MAGI2: variants seen among roughly 807,000 people sequenced by gnomAD.
The protein encoded by MAGI2 is membrane associated guanylate kinase, WW and PDZ domain containing 2, also known as membrane-associated guanylate kinase, WW and PDZ domain-containing protein 2.
A neutral mutation model predicts 133.3 loss-of-function variants in MAGI2; 35 were observed. The observed-to-expected ratio is 0.26, with a 90% confidence interval of 0.20 to 0.35. The LOEUF (loss-of-function observed/expected upper bound fraction) is 0.35. MAGI2 is among the 10% of genes least tolerant of loss of function. The pLI, the probability that MAGI2 is intolerant of heterozygous loss-of-function variation, is 1.00. For synonymous variants in MAGI2, 729 were observed against 710.6 expected, an observed-to-expected ratio of 1.03 and a Z score of -0.41; for missense variants, 1,636 against 1,863.4, an observed-to-expected ratio of 0.88 and a Z score of 2.25.
intron 1 of MAGI2, among the ~76,000 whole-genome samples, chr7:79,166,712 G>A (rs140568142): frequency 1.3e-5 from 2 of 152,004 alleles, no homozygotes; most frequent in Non-Finnish European, 2.9e-5. Flanking sequence ...TGAAAATATG[G>A]TTAGATAATT....
chr7:78,070,106 T>TACACACACAC (rs67410981), intron 21 of MAGI2, among the ~76,000 whole-genome samples: 4 of 79,710 alleles, frequency 5.0e-5, no homozygotes, highest in East Asian at 5.2e-4. Flanking sequence ...CACACACACA[T>TACACACACAC]ACACACACAC....
intron 7 of MAGI2, among the ~76,000 whole-genome samples, chr7:78,356,466 G>A (rs1405977426): frequency 6.6e-6 from 1 of 152,048 alleles, no homozygotes; most frequent in Non-Finnish European, 1.5e-5. Context: ...GCTAGACGGA[G>A]GATATTGAAT....
chr7:78,454,768 A>G (rs1349713544), intron 6 of MAGI2, among the ~76,000 whole-genome samples: 1 of 152,198 alleles, frequency 6.6e-6, no homozygotes, highest in East Asian at 1.9e-4. Context: ...ATCCATGAAA[A>G]GTCATAAAAG....
chr7:79,046,562 A>G (rs1266603587), intron 1 of MAGI2, among the ~76,000 whole-genome samples: 2 of 152,216 alleles, frequency 1.3e-5, no homozygotes, highest in Non-Finnish European at 1.5e-5. Context: ...GTCTGAAAAT[A>G]TTCTAAGGAT....
intron 2 of MAGI2, among the ~76,000 whole-genome samples, chr7:78,860,725 T>G (rs544566987): frequency 2.9e-4 from 44 of 152,270 alleles, no homozygotes; most frequent in African/African-American, 1.0e-3. Context: ...CTGTCCATTC[T>G]CAGATCTCAC....
chr7:79,290,430 T>A (rs750565454), intron 1 of MAGI2, among the ~76,000 whole-genome samples: 2 of 151,870 alleles, frequency 1.3e-5, no homozygotes, highest in Non-Finnish European at 2.9e-5. Context: ...TAAAGATGAG[T>A]CTGATATTAT....
At chr7:79,308,587 C>G (rs529723715) in intron 1 of MAGI2, among the ~76,000 whole-genome samples, 1 of 152,256 alleles carries the variant, frequency 6.6e-6, no homozygotes, top group South Asian at 2.1e-4. Context: ...AGAACAAGGA[C>G]ATATCTATTG....
Position 79,453,495 on chromosome 7 carries a change from G to C in MAGI2, c.-175C>G, listed in dbSNP as rs1849442449. 1.4e-6 allele frequency: 2 copies of C among 1,419,086 alleles called. No individual in the cohort carries two copies. Among genetic ancestry groups the C allele is most frequent in the Non-Finnish European group, 1.8e-6 (2 of 1,092,526 alleles). The allele number at this position is 1,419,086 out of a possible 1,614,324, so 87.9% of individuals were successfully genotyped here. ...TTGGATGGAGTGTGGACGAGGAATG[G>C]GGAGGATGAGAGGGACGGCTGGGCA... On this transcript the variant is annotated 5_prime_UTR_variant, in exon 1 of 22. Transcript: ENST00000354212.
chr7:78,436,783 C>T (rs932187856), intron 6 of MAGI2, among the ~76,000 whole-genome samples: 1 of 152,128 alleles, frequency 6.6e-6, no homozygotes, highest in African/African-American at 2.4e-5. Flanking sequence ...CTCATAGCTC[C>T]CAGCCGCATC....
At chr7:78,348,660 C>G (rs919931517) in intron 7 of MAGI2, among the ~76,000 whole-genome samples, 1 of 152,206 alleles carries the variant, frequency 6.6e-6, no homozygotes, top group Middle Eastern at 3.4e-3. Flanking sequence ...CTTTAAGTAA[C>G]AAATAATCCA....
intron 2 of MAGI2, among the ~76,000 whole-genome samples, chr7:78,740,870 TATA>T (rs1209114326): frequency 3.0e-4 from 46 of 152,316 alleles, no homozygotes; most frequent in African/African-American, 6.3e-4. Context: ...ACATAATTAT[TATA>T]ATATTATTTT....
chr7:78,869,826 G>A (rs1272321144), intron 2 of MAGI2, among the ~76,000 whole-genome samples: 4 of 152,096 alleles, frequency 2.6e-5, no homozygotes, highest in African/African-American at 9.7e-5. Context: ...ATTTGGGTGG[G>A]GGCACAAAGG....
intron 9 of MAGI2, among the ~76,000 whole-genome samples, chr7:78,279,976 T>C (rs73150280): frequency 0.21 from 32,356 of 151,990 alleles, 3,670 homozygotes; most frequent in South Asian, 0.31. Flanking sequence ...TTAAGCAAAC[T>C]CAGCTTAAAC....
intron 1 of MAGI2, among the ~76,000 whole-genome samples, chr7:79,275,060 A>AAAT (rs1249618280): frequency 6.6e-6 from 1 of 152,144 alleles, no homozygotes; most frequent in Non-Finnish European, 1.5e-5. Context: ...TTAGGACAAC[A>AAAT]AATAACCTAC....
chr7:78,342,287 T>C (rs1790467612), intron 9 of MAGI2, among the ~76,000 whole-genome samples: 2 of 152,244 alleles, frequency 1.3e-5, no homozygotes, highest in Admixed American at 6.5e-5. Flanking sequence ...ATGGTGATCA[T>C]TAAAAAGTCA....
intron 2 of MAGI2, among the ~76,000 whole-genome samples, chr7:78,794,094 C>T (rs1055009902): frequency 4.6e-5 from 7 of 152,176 alleles, no homozygotes; most frequent in Non-Finnish European, 1.0e-4. Context: ...TGGTGGCCTC[C>T]AGTTTATAAC....
intron 20 of MAGI2, among the ~76,000 whole-genome samples, chr7:78,080,535 C>T (rs1160379576): frequency 6.6e-6 from 1 of 152,178 alleles, no homozygotes; most frequent in Non-Finnish European, 1.5e-5. Flanking sequence ...CCCCCAGTAG[C>T]CCTCTCCCAC....
chr7:78,527,507 TC>T (rs1351309749), intron 3 of MAGI2, among the ~76,000 whole-genome samples: 3 of 152,222 alleles, frequency 2.0e-5, no homozygotes, highest in Admixed American at 6.5e-5. Context: ...TTAAACTGTT[TC>T]CTTTTTTGTA....
intron 1 of MAGI2, among the ~76,000 whole-genome samples, chr7:79,266,914 T>A (rs916825242): frequency 3.3e-5 from 5 of 152,026 alleles, no homozygotes; most frequent in Non-Finnish European, 2.9e-5. Flanking sequence ...TTTCAGAAAC[T>A]CCTACCAGAT....
Sources: gnomAD v4.1 joint callset for allele counts (sites outside exome capture counted in the v4.1 genomes callset) on GRCh38, gnomAD v4.1.1 for gene constraint, MANE v1.5 for transcripts, NCBI Gene and HGNC (gene_info 2026-07-23, HGNC 2026-07-21) for gene names.